Variants in SPPL2A observed in about 807,000 individuals in gnomAD.
SPPL2A encodes the protein signal peptide peptidase like 2A.
A neutral mutation model predicts 63.8 loss-of-function variants in SPPL2A; 51 were observed. That is an observed-to-expected ratio of 0.80 (90% CI 0.64 to 1.01). The LOEUF (loss-of-function observed/expected upper bound fraction) is 1.01. SPPL2A is among the 50% of genes least tolerant of loss of function. The pLI is 0.00. For synonymous variants in SPPL2A, 188 were observed against 205.8 expected (o/e 0.91, Z 0.74); for missense variants, 553 against 622.7 (o/e 0.89, Z 1.19).
rs180929172 is a variant in SPPL2A at position 50,713,869 on chromosome 15, G to A, written c.1489-5995C>T. ...ATCCTCACTCCTACAAATAATGATAGCAAATAAATTCACAGCACCTATAAG... is the reference window on the plus strand; with the variant it reads ...ATCCTCACTCCTACAAATAATGATAACAAATAAATTCACAGCACCTATAAG... On this transcript the variant is annotated intron_variant, in intron 14 of 14. Coordinates refer to ENST00000261854, the MANE Select transcript of SPPL2A (RefSeq NM_032802.4). 3.3e-5 allele frequency among the ~76,000 whole-genome samples: 5 copies of A among 152,154 alleles called. No homozygotes were observed. In the East Asian group the frequency reaches 9.7e-4, roughly 29 times the overall value.
chr15:50,713,268 A>AT lies in SPPL2A; in HGVS notation c.1489-5395dup, dbSNP rs72061371. ...TCTGAAAAAATACTCTTTCCTGAGT[A>AT]TTTTTTTTTTTTTTTTGAGATAGAG... is the stretch of plus-strand genomic sequence containing the variant. On this transcript the variant is annotated intron_variant, in intron 14 of 14. Coordinates refer to ENST00000261854, the MANE Select transcript of SPPL2A (RefSeq NM_032802.4). 7.8e-3 allele frequency among the ~76,000 whole-genome samples: 1,098 copies of AT among 140,912 alleles called. 15 individuals carry two copies. Among genetic ancestry groups the AT allele is most frequent in the African/African-American group, 0.021 (801 of 38,378 alleles). 92.4% of individuals were successfully genotyped at this position (140,912 alleles called of 152,430 possible). A position where few individuals can be genotyped will look rare whatever the true frequency, so the allele number is the denominator to read the frequency against.
In SPPL2A at chr15:50,705,598, T is replaced by G. The variant is rs530220275; in HGVS notation, c.*2202A>C. 16 of 152,296 alleles carry G rather than the reference T, an allele frequency of 1.1e-4. No homozygotes were observed. Among genetic ancestry groups the G allele is most frequent in the African/African-American group, 3.8e-4 (16 of 41,582 alleles). 9.4% of individuals were successfully genotyped at this position (152,296 alleles called of 1,614,324 possible). A position where few individuals can be genotyped will look rare whatever the true frequency, so the allele number is the denominator to read the frequency against. On this transcript the variant is annotated 3_prime_UTR_variant, in exon 15 of 15. Transcript: ENST00000261854. ...CAGATTTCTTGGAAAATATTCAAAC[T>G]TGATACAATGGAGGCAAAATTAACT...
rs1367381537 is a variant in SPPL2A, at chr15:50,704,839, A to G, written c.*2961T>C. On this transcript the variant is annotated 3_prime_UTR_variant, in exon 15 of 15. Transcript: ENST00000261854. ...CTTAATTATACTTTTTCTTATTTCTATTTAACCAATAAGATTTTAATAGCA... is the reference window on the plus strand; with the variant it reads ...CTTAATTATACTTTTTCTTATTTCTGTTTAACCAATAAGATTTTAATAGCA... 6.6e-6 allele frequency: 1 copy of G among 152,168 alleles called. No individual in the cohort carries two copies. Among genetic ancestry groups the G allele is most frequent in the East Asian group, 1.9e-4 (1 of 5,202 alleles). The allele number at this position is 152,168 out of a possible 1,614,324, so 9.4% of individuals were successfully genotyped here. A position where few individuals can be genotyped will look rare whatever the true frequency, so the allele number is the denominator to read the frequency against.
At chr15:50,735,343 A>G (rs562423195) in intron 8 of SPPL2A, among the ~76,000 whole-genome samples, 2 of 152,190 alleles carry the variant, frequency 1.3e-5, no homozygotes, top group South Asian at 4.1e-4. Context: ...GTATTCACCC[A>G]TTCAAAGTTT....
intron 5 of SPPL2A, among the ~76,000 whole-genome samples, chr15:50,743,885 T>TTAA (rs1426102929): frequency 1.3e-5 from 2 of 151,954 alleles, no homozygotes; most frequent in Non-Finnish European, 2.9e-5. Flanking sequence ...TTTATAAAGA[T>TTAA]TAATAATTGC....
At chr15:50,730,390 C>T (rs1021847085) in intron 10 of SPPL2A, among the ~76,000 whole-genome samples, 4 of 152,034 alleles carry the variant, frequency 2.6e-5, no homozygotes, top group South Asian at 4.2e-4. Context: ...GACGCCAGTC[C>T]CACACTGGCC....
chr15:50,736,475 A>G (rs1284411584), intron 7 of SPPL2A, among the ~76,000 whole-genome samples, 169 bp downstream of exon 7: 1 of 152,240 alleles, frequency 6.6e-6, no homozygotes, highest in Non-Finnish European at 1.5e-5. Context: ...GGCTAATAAG[A>G]ATGAAAAACT....
chr15:50,714,065 T>G (rs150907861), intron 14 of SPPL2A, among the ~76,000 whole-genome samples: 1 of 152,358 alleles, frequency 6.6e-6, no homozygotes, highest in African/African-American at 2.4e-5. Flanking sequence ...GGTACTAGAC[T>G]CTATGCTCTT....
chr15:50,764,233 T>G (rs2141068276), intron 1 of SPPL2A, among the ~76,000 whole-genome samples: 2 of 152,356 alleles, frequency 1.3e-5, no homozygotes, highest in East Asian at 3.9e-4. Context: ...GGTTATAGTT[T>G]TGCATACATC....
rs55896536 is a variant in SPPL2A at position 50,756,906 on chromosome 15, C to T, written c.67-7160G>A. Among the ~76,000 whole-genome samples, 111 of 152,180 alleles carry T rather than the reference C, an allele frequency of 7.3e-4. 2 individuals carry two copies. Among genetic ancestry groups the T allele is most frequent in the African/African-American group, 2.6e-3 (109 of 41,532 alleles). Reference sequence around the variant, plus strand: ...TGCTGTCACTTCAAGTCCCTTCACACAGCTAGATCCCCAAGCACCTCATTC... The same window carrying T: ...TGCTGTCACTTCAAGTCCCTTCACATAGCTAGATCCCCAAGCACCTCATTC... On this transcript the variant is annotated intron_variant, in intron 1 of 14. Transcript: ENST00000261854.
chr15:50,709,599 G>A (rs1192335281), intron 14 of SPPL2A, among the ~76,000 whole-genome samples: 1 of 152,068 alleles, frequency 6.6e-6, no homozygotes, highest in Non-Finnish European at 1.5e-5. Context: ...GGACCAGCCT[G>A]GCCAACATGG....
chr15:50,715,063 G>A (rs1249116322), intron 14 of SPPL2A, among the ~76,000 whole-genome samples: 3 of 151,868 alleles, frequency 2.0e-5, no homozygotes, highest in African/African-American at 7.3e-5. Context: ...TACAATCTTG[G>A]CTCACTGCAA....
At chr15:50,717,818 G>T (rs1490832463) in intron 14 of SPPL2A, among the ~76,000 whole-genome samples, 1 of 152,066 alleles carries the variant, frequency 6.6e-6, no homozygotes, top group Non-Finnish European at 1.5e-5. Context: ...TCTTTAGAAA[G>T]CCCTCCCCAA....
chr15:50,712,765 A>T (rs1337584788), intron 14 of SPPL2A, among the ~76,000 whole-genome samples: 1 of 140,870 alleles, frequency 7.1e-6, no homozygotes, highest in Non-Finnish European at 1.5e-5. Flanking sequence ...GGCTCACTTC[A>T]ACCTCTGCCT....
At chr15:50,723,175 T>C (rs996999150) in intron 12 of SPPL2A, among the ~76,000 whole-genome samples, 9 of 152,188 alleles carry the variant, frequency 5.9e-5, no homozygotes, top group African/African-American at 1.9e-4. Flanking sequence ...TTAGAGACGA[T>C]GTACCAAAAG....
intron 1 of SPPL2A, among the ~76,000 whole-genome samples, chr15:50,764,799 G>A (rs1006703133): frequency 6.6e-6 from 1 of 151,872 alleles, no homozygotes; most frequent in Non-Finnish European, 1.5e-5. Flanking sequence ...TTTAACCGAC[G>A]CTCCCCACCC....
At chr15:50,717,250 C>T (rs1250033326) in intron 14 of SPPL2A, among the ~76,000 whole-genome samples, 4 of 152,172 alleles carry the variant, frequency 2.6e-5, no homozygotes, top group Non-Finnish European at 5.9e-5. Flanking sequence ...TCATGGCCCA[C>T]TGAAGCCCCT....
chr15:50,765,255 C>T, intron 1 of SPPL2A, among the ~76,000 whole-genome samples: 1 of 130,894 alleles, frequency 7.6e-6, no homozygotes, highest in Admixed American at 7.7e-5. Context: ...GAGTGGGGGG[C>T]GGGAAAGTTG....
At chr15:50,744,012 T>G (rs1481660965) in intron 5 of SPPL2A, among the ~76,000 whole-genome samples, 1 of 150,992 alleles carries the variant, frequency 6.6e-6, no homozygotes, top group Non-Finnish European at 1.5e-5. Flanking sequence ...CCATCTCTAC[T>G]AAAAAAAATA....
Sources: allele counts gnomAD v4.1 joint callset (sites outside exome capture counted in the v4.1 genomes callset), GRCh38; gene constraint gnomAD v4.1.1; transcripts MANE v1.5; gene names NCBI Gene and HGNC (gene_info 2026-07-23, HGNC 2026-07-21).